The following SMAD6 variants were observed in gnomAD, a reference collection of about 807,000 sequenced individuals.
The protein encoded by SMAD6 is MAD homolog 6.
SMAD6 carries 103 observed loss-of-function variants against 39.4 expected under a neutral mutation model. The observed-to-expected ratio is 2.62, with a 90% CI of 2.23 to 3.08. The LOEUF (loss-of-function observed/expected upper bound fraction) is 3.08. Among genes scored for constraint, SMAD6 ranks in the 30% most tolerant of loss-of-function variants. The pLI is 0.00. For missense variants in SMAD6, 1,104 were observed against 742.9 expected (o/e 1.49, Z -5.65); for synonymous variants, 445 against 353.3 (o/e 1.26, Z -2.91).
intron 3 of SMAD6, among the ~76,000 whole-genome samples, chr15:66,779,216 A>G (rs1277353710): frequency 6.6e-6 from 1 of 152,152 alleles, no homozygotes; most frequent in Non-Finnish European, 1.5e-5. Flanking sequence ...TGACCTCCCA[A>G]GGGCTTGAGC....
chr15:66,705,908 G>T lies in SMAD6; in HGVS notation c.817+1833G>T, dbSNP rs188034581. On this transcript the variant is annotated intron_variant, in intron 1 of 3. Coordinates refer to ENST00000288840, the MANE Select transcript of SMAD6 (RefSeq NM_005585.5). ...CCTGGAGCCGGACCTTGGAGGATGG[G>T]TCAGAGGAGAGGGAGCCAGCCGGGT... 7.9e-5 allele frequency: 12 copies of T among 152,514 alleles called. No individual in the cohort carries two copies. The East Asian group carries it at 2.3e-3, about 29-fold the overall frequency. The allele number at this position is 152,514 out of a possible 1,614,324, so 9.4% of individuals were successfully genotyped here.
In SMAD6 at chr15:66,781,402, A is replaced by C; in HGVS notation, c.1358A>C (p.Asp453Ala). 7.5e-6 allele frequency: 12 copies of C among 1,602,984 alleles called. No individual in the cohort carries two copies. Among genetic ancestry groups the C allele is most frequent in the Non-Finnish European group, 9.3e-6 (11 of 1,177,862 alleles). Residue 453 changes from aspartate to alanine, a missense_variant, in exon 4 of 4, where the codon GAC becomes GCC. Coordinates refer to ENST00000288840, the MANE Select transcript of SMAD6 (RefSeq NM_005585.5). ...RSGLQHAPEP[D>A]AADGPYDPNS... is the part of the protein sequence containing the mutation. The stretch of plus-strand genomic sequence containing the variant: ...GGCCTGCAGCACGCGCCCGAGCCCG[A>C]CGCCGCCGACGGCCCCTACGACCCC...
At chr15:66,771,546 C>T (rs545731042) in intron 3 of SMAD6, among the ~76,000 whole-genome samples, 5 of 152,128 alleles carry the variant, frequency 3.3e-5, no homozygotes, top group East Asian at 1.9e-4. Flanking sequence ...AGGTGGCCAC[C>T]GACAGGATAC....
At chr15:66,712,588 G>T (rs192687598) in intron 2 of SMAD6, among the ~76,000 whole-genome samples, 270 of 152,036 alleles carry the variant, frequency 1.8e-3, no homozygotes, top group Non-Finnish European at 2.4e-3. Context: ...CTACTCAGGA[G>T]GCTGAGGCAG....
intron 3 of SMAD6, among the ~76,000 whole-genome samples, chr15:66,725,443 G>T (rs1295975862): frequency 6.6e-6 from 1 of 152,208 alleles, no homozygotes; most frequent in Non-Finnish European, 1.5e-5. Context: ...TCTCATGTCT[G>T]GAGCGGACAT....
At chr15:66,767,583 G>A (rs1894309589) in intron 3 of SMAD6, among the ~76,000 whole-genome samples, 1 of 152,228 alleles carries the variant, frequency 6.6e-6, no homozygotes, top group African/African-American at 2.4e-5. Context: ...GGTGGCCATG[G>A]CAGAGCCATG....
intron 3 of SMAD6, among the ~76,000 whole-genome samples, chr15:66,723,112 A>G (rs1290457660): frequency 6.6e-6 from 1 of 152,106 alleles, no homozygotes; most frequent in Non-Finnish European, 1.5e-5. Flanking sequence ...GGGGCATCTT[A>G]GCTTCTCCCG....
chr15:66,709,982 A>G (rs929421141), intron 1 of SMAD6, among the ~76,000 whole-genome samples: 1 of 152,146 alleles, frequency 6.6e-6, no homozygotes, highest in African/African-American at 2.4e-5. Context: ...CTGTGTCCAC[A>G]TTTAGTGAGC....
chr15:66,711,879 C>T (rs1893238900), intron 2 of SMAD6, among the ~76,000 whole-genome samples, 155 bp downstream of exon 2: 1 of 151,142 alleles, frequency 6.6e-6, no homozygotes, highest in Non-Finnish European at 1.5e-5. Context: ...TGAAGTTGTA[C>T]AAACACTCCC....
At chr15:66,710,445 T>C (rs1893205813) in intron 1 of SMAD6, among the ~76,000 whole-genome samples, 1 of 152,222 alleles carries the variant, frequency 6.6e-6, no homozygotes, top group Admixed American at 6.5e-5. Flanking sequence ...GAAGTAACTT[T>C]GAGCTGGAAA....
intron 3 of SMAD6, among the ~76,000 whole-genome samples, chr15:66,748,257 C>T (rs1224750249): frequency 6.1e-5 from 9 of 147,788 alleles, no homozygotes; most frequent in Non-Finnish European, 1.3e-4. Flanking sequence ...AGTGGTTAGG[C>T]AAAAAAATAG....
At chr15:66,762,240 T>C (rs576376792) in intron 3 of SMAD6, among the ~76,000 whole-genome samples, 8 of 152,342 alleles carry the variant, frequency 5.3e-5, no homozygotes, top group Admixed American at 4.6e-4. Context: ...TTCTCCTCAC[T>C]TCCACCTCCA....
At chr15:66,714,205 G>T (rs1365246782) in intron 2 of SMAD6, among the ~76,000 whole-genome samples, 1 of 152,188 alleles carries the variant, frequency 6.6e-6, no homozygotes, top group Non-Finnish European at 1.5e-5. Flanking sequence ...CAAAAATCAG[G>T]ACACTGCCCA....
chr15:66,771,169 C>A (rs1433857795), intron 3 of SMAD6, among the ~76,000 whole-genome samples: 1 of 152,082 alleles, frequency 6.6e-6, no homozygotes, highest in Non-Finnish European at 1.5e-5. Context: ...GGGAGTGGGG[C>A]CTCCGGTTTC....
intron 3 of SMAD6, among the ~76,000 whole-genome samples, chr15:66,751,285 G>A (rs75945548): frequency 8.9e-4 from 136 of 152,220 alleles, no homozygotes; most frequent in African/African-American, 3.2e-3. Flanking sequence ...GTCCCAGCTC[G>A]GCCTCTTGGT....
chr15:66,713,403 T>A (rs1479672291), intron 2 of SMAD6, among the ~76,000 whole-genome samples: 1 of 152,200 alleles, frequency 6.6e-6, no homozygotes, highest in Admixed American at 6.5e-5. Flanking sequence ...CACTGCAACC[T>A]CCGCATCCCG....
Position 66,703,722 on chromosome 15 carries a change from G to C in SMAD6, c.464G>C (p.Gly155Ala). Residue 155 changes from glycine to alanine, a missense_variant, in exon 1 of 4, where the codon GGC becomes GCC. Physicochemically the swap from Gly to Ala is moderately conservative, Grantham distance 60. Transcript: ENST00000288840. ...LAGAALEPAG[G>A]GRSREARSRL... is the part of the protein sequence containing the mutation. ...GGGGCGGCCCTGGAGCCGGCGGGCG[G>C]CGGGCGGAGTCGCGAAGCGCGCTCG... The C allele has an allele frequency of 7.4e-7, 1 of 1,351,806 alleles. No homozygotes were observed. The highest frequency in any genetic ancestry group is 9.6e-7 in the Non-Finnish European group (1 of 1,038,844). The allele number at this position is 1,351,806 out of a possible 1,614,324, so 83.7% of individuals were successfully genotyped here. A position where few individuals can be genotyped will look rare whatever the true frequency, so the allele number is the denominator to read the frequency against.
At chr15:66,707,744 T>A (rs2140589805) in intron 1 of SMAD6, 1 of 152,394 alleles carries the variant, frequency 6.6e-6, no homozygotes, top group Admixed American at 6.5e-5. Context: ...AGTCTTCAGG[T>A]TCTGGGGGCA....
intron 3 of SMAD6, among the ~76,000 whole-genome samples, chr15:66,729,989 A>C (rs769616928): frequency 1.3e-5 from 2 of 152,156 alleles, no homozygotes; most frequent in Non-Finnish European, 2.9e-5. Context: ...ACAAACTCAA[A>C]TTCAGGTCCA....
Sources: allele counts gnomAD v4.1 joint callset (sites outside exome capture counted in the v4.1 genomes callset), GRCh38; gene constraint gnomAD v4.1.1; transcripts MANE v1.5; gene names NCBI Gene and HGNC (gene_info 2026-07-23, HGNC 2026-07-21).